CHD6: variants seen among roughly 807,000 people sequenced by gnomAD.
The protein encoded by CHD6 is chromodomain helicase DNA binding protein 6.
A neutral mutation model predicts 276.9 loss-of-function variants in CHD6; 50 were observed. The ratio of observed to expected loss-of-function variants is 0.18; its 90% CI spans 0.14 to 0.23. CHD6 has a LOEUF of 0.23. CHD6 is among the 10% of genes least tolerant of loss of function. The pLI is 1.00. For missense variants in CHD6, 2,564 were observed against 3,365.8 expected (o/e 0.76, Z 5.89); for synonymous variants, 1,173 against 1,229.3 (o/e 0.95, Z 0.96).
At chr20:41,528,023 TG>T (rs1568676877) in intron 3 of CHD6, among the ~76,000 whole-genome samples, 1 of 152,192 alleles carries the variant, frequency 6.6e-6, no homozygotes, top group Non-Finnish European at 1.5e-5. Flanking sequence ...GTCTCCAGAA[TG>T]GTAAGCCAAA....
At chr20:41,417,036 G>C (rs574914616) in intron 32 of CHD6, among the ~76,000 whole-genome samples, 162 bp downstream of exon 32, 1 of 152,136 alleles carries the variant, frequency 6.6e-6, no homozygotes, top group Non-Finnish European at 1.5e-5. Context: ...TTAGTTAAGC[G>C]CATGTATCTT....
At chr20:41,593,319 T>C (rs1246404940) in intron 1 of CHD6, among the ~76,000 whole-genome samples, 1 of 152,172 alleles carries the variant, frequency 6.6e-6, no homozygotes, top group Non-Finnish European at 1.5e-5. Context: ...GCCTTTACAC[T>C]TTGGTTTCTT....
chr20:41,406,004 T>C (rs2046663914), intron 36 of CHD6, among the ~76,000 whole-genome samples: 1 of 152,150 alleles, frequency 6.6e-6, no homozygotes, highest in Admixed American at 6.5e-5. Flanking sequence ...GACATGTCAG[T>C]TAGCCTCTGA....
At chr20:41,412,285 A>G (rs1376423521) in intron 35 of CHD6, 22 bp from the exon 36 acceptor site, 14 of 1,613,442 alleles carry the variant, frequency 8.7e-6, no homozygotes, top group Non-Finnish European at 1.1e-5. Flanking sequence ...ACGGAGACCA[A>G]TATTACAAAA....
chr20:41,443,020 C>T (rs1358640059), intron 25 of CHD6, among the ~76,000 whole-genome samples: 3 of 152,238 alleles, frequency 2.0e-5, no homozygotes, highest in African/African-American at 7.2e-5. Flanking sequence ...CTAAACTCAT[C>T]CTGTACAATG....
intron 26 of CHD6, among the ~76,000 whole-genome samples, chr20:41,439,695 C>G (rs898272944): frequency 2.0e-5 from 3 of 152,230 alleles, no homozygotes; most frequent in African/African-American, 7.2e-5. Flanking sequence ...CAGGAATCCT[C>G]TGACCAGACA....
At chr20:41,437,505 T>C (rs1037260382) in intron 26 of CHD6, among the ~76,000 whole-genome samples, 171 bp from the exon 27 acceptor site, 2 of 152,326 alleles carry the variant, frequency 1.3e-5, no homozygotes, top group African/African-American at 4.8e-5. Context: ...TTGTTATAAT[T>C]GTTCTATTAT....
At chr20:41,445,369 T>C (rs16985781) in intron 25 of CHD6, among the ~76,000 whole-genome samples, 2 of 152,208 alleles carry the variant, frequency 1.3e-5, no homozygotes, top group Non-Finnish European at 2.9e-5. Context: ...CTGGGACTAT[T>C]AGAGGCAGTC....
intron 17 of CHD6, among the ~76,000 whole-genome samples, chr20:41,460,060 A>G (rs1174385771): frequency 1.3e-5 from 2 of 152,198 alleles, no homozygotes; most frequent in Non-Finnish European, 2.9e-5. Flanking sequence ...AGCAAACGTG[A>G]CTTTTGTTAC....
chr20:41,491,879 G>C, intron 10 of CHD6, 60 bp from the exon 11 acceptor site: 1 of 1,579,100 alleles, frequency 6.3e-7, no homozygotes, highest in Non-Finnish European at 8.7e-7. Context: ...GCATAACATG[G>C]ATACTAACGA....
At chr20:41,582,303 G>C (rs1020381483) in intron 1 of CHD6, among the ~76,000 whole-genome samples, 1 of 152,126 alleles carries the variant, frequency 6.6e-6, no homozygotes, top group African/African-American at 2.4e-5. Context: ...TTTCGGACAC[G>C]GTGAGTAGAA....
At chr20:41,483,030 C>T (rs2043329624) in intron 16 of CHD6, among the ~76,000 whole-genome samples, 1 of 151,978 alleles carries the variant, frequency 6.6e-6, no homozygotes, top group Admixed American at 6.6e-5. Flanking sequence ...TGAATTATTT[C>T]CTCCAACTAA....
chr20:41,566,154 T>A (rs867054317), intron 1 of CHD6, among the ~76,000 whole-genome samples: 7 of 152,180 alleles, frequency 4.6e-5, no homozygotes, highest in Non-Finnish European at 7.4e-5. Flanking sequence ...ACACCCCACA[T>A]AATTTTCTAA....
intron 34 of CHD6, 177 bp from the exon 35 acceptor site, chr20:41,413,692 T>C: frequency 2.0e-6 from 1 of 496,576 alleles, no homozygotes. Context: ...CCACATAAGC[T>C]CTTGCAAGTG....
At chr20:41,446,841 G>A (rs564242282) in intron 24 of CHD6, among the ~76,000 whole-genome samples, 1 of 152,124 alleles carries the variant, frequency 6.6e-6, no homozygotes, top group Admixed American at 6.5e-5. Context: ...GAAGAGGGTG[G>A]GCAGCAGACT....
intron 1 of CHD6, among the ~76,000 whole-genome samples, chr20:41,582,795 A>T (rs2146238598): frequency 6.6e-6 from 1 of 152,348 alleles, no homozygotes; most frequent in South Asian, 2.1e-4. Flanking sequence ...AATATGTGAC[A>T]AAGAATCAAA....
chr20:41,457,971 C>T (rs1371216303), intron 17 of CHD6, among the ~76,000 whole-genome samples: 1 of 152,180 alleles, frequency 6.6e-6, no homozygotes, highest in East Asian at 1.9e-4. Flanking sequence ...TTTCAATACA[C>T]ATTTCTAAAG....
At chr20:41,586,313 C>T (rs575428161) in intron 1 of CHD6, among the ~76,000 whole-genome samples, 4 of 152,220 alleles carry the variant, frequency 2.6e-5, no homozygotes, top group Admixed American at 1.3e-4. Flanking sequence ...GCAGGGTGTC[C>T]GCTGTGCTTC....
intron 2 of CHD6, among the ~76,000 whole-genome samples, chr20:41,542,891 T>G (rs544698513): frequency 5.4e-4 from 82 of 151,788 alleles, no homozygotes; most frequent in African/African-American, 1.9e-3. Flanking sequence ...GATCACAAGG[T>G]CAGGAGATTG....
Sources: allele counts gnomAD v4.1 joint callset (sites outside exome capture counted in the v4.1 genomes callset), GRCh38; gene constraint gnomAD v4.1.1; transcripts MANE v1.5; gene names NCBI Gene and HGNC (gene_info 2026-07-23, HGNC 2026-07-21).